DNAH11: variants seen among roughly 807,000 people sequenced by gnomAD.
DNAH11 encodes the protein dynein axonemal heavy chain 11.
Under a neutral mutation model 526.0 loss-of-function variants are expected in DNAH11, and 442 were observed. The ratio of observed to expected loss-of-function variants is 0.84; its 90% CI spans 0.78 to 0.91. The LOEUF (loss-of-function observed/expected upper bound fraction) is 0.91. Ranked by LOEUF, DNAH11 falls within the 40% of genes least tolerant of loss-of-function variation. DNAH11 has a pLI of 0.00. For synonymous variants in DNAH11, 2,461 were observed against 1,935.9 expected, an observed-to-expected ratio of 1.27 and a Z score of -7.12; for missense variants, 6,989 against 5,448.7, an observed-to-expected ratio of 1.28 and a Z score of -8.90.
At chr7:21,858,702 A>G (rs371185379) in intron 68 of DNAH11, among the ~76,000 whole-genome samples, 1 of 152,220 alleles carries the variant, frequency 6.6e-6, no homozygotes, top group East Asian at 1.9e-4. Context: ...TCAGTAATTG[A>G]CTGGGGCTGG....
chr7:21,820,564 T>C (rs933357171), intron 65 of DNAH11, among the ~76,000 whole-genome samples: 2 of 152,056 alleles, frequency 1.3e-5, no homozygotes, highest in Admixed American at 1.3e-4. Context: ...GAACTGCAAA[T>C]AGAATCCAAA....
chr7:21,750,353 C>G lies in DNAH11; in HGVS notation c.8929C>G (p.Leu2977Val). The change falls in exon 54 of 82, where the codon CTA becomes GTA. Residue 2977 changes from leucine (L) to valine (V), a missense_variant. Leu to Val is a conservative substitution (Grantham distance 32). Transcript: ENST00000409508. Reference sequence around the variant, plus strand: ...GAAATTCTTTATGGCCAGGGTGCGACTACAGCTCAAAGTAAGAAATACTTG... The same window carrying G: ...GAAATTCTTTATGGCCAGGGTGCGAGTACAGCTCAAAGTAAGAAATACTTG... ...CWKFFMARVR[L>V]QLKIILCFSP... is the part of the protein sequence containing the mutation. 2 of 1,603,332 alleles carry G rather than the reference C, an allele frequency of 1.2e-6. No individual in the cohort carries two copies. Among genetic ancestry groups the G allele is most frequent in the Non-Finnish European group, 1.7e-6 (2 of 1,174,772 alleles).
intron 20 of DNAH11, among the ~76,000 whole-genome samples, chr7:21,612,997 A>G (rs560504399): frequency 3.3e-4 from 51 of 152,350 alleles, no homozygotes; most frequent in Non-Finnish European, 5.9e-4. Context: ...TTTACCTAAT[A>G]AAAGAATGAA....
intron 6 of DNAH11, among the ~76,000 whole-genome samples, chr7:21,569,183 C>T (rs2128435812): frequency 6.6e-6 from 1 of 152,278 alleles, no homozygotes; most frequent in Middle Eastern, 3.4e-3. Context: ...AGAAGTGCTT[C>T]CCTCTGCTAT....
intron 26 of DNAH11, among the ~76,000 whole-genome samples, chr7:21,637,175 TC>T: frequency 6.6e-6 from 1 of 152,144 alleles, no homozygotes; most frequent in East Asian, 1.9e-4. Context: ...GCTCTCTCAT[TC>T]TCTGTCTCTC....
intron 8 of DNAH11, among the ~76,000 whole-genome samples, chr7:21,579,599 A>C (rs1017803363): frequency 1.3e-5 from 2 of 152,116 alleles, no homozygotes; most frequent in Non-Finnish European, 2.9e-5. Flanking sequence ...TGGATCTGAG[A>C]GTGTGAAATT....
chr7:21,785,070 C>G (rs1435421149), intron 58 of DNAH11, among the ~76,000 whole-genome samples: 1 of 152,178 alleles, frequency 6.6e-6, no homozygotes, highest in East Asian at 1.9e-4. Context: ...GTGTTCATCA[C>G]TAGCATATTG....
At chr7:21,582,178 G>T (rs1784334948) in intron 9 of DNAH11, among the ~76,000 whole-genome samples, 157 bp downstream of exon 9, 1 of 152,168 alleles carries the variant, frequency 6.6e-6, no homozygotes, top group South Asian at 2.1e-4. Flanking sequence ...TTTGAATAGT[G>T]TACTAATGAA....
chr7:21,813,668 C>T (rs1031277057), intron 63 of DNAH11, among the ~76,000 whole-genome samples: 1 of 152,176 alleles, frequency 6.6e-6, no homozygotes, highest in Non-Finnish European at 1.5e-5. Flanking sequence ...TCTTTTCTCT[C>T]TAGCAAATGC....
At chr7:21,581,654 G>A (rs1490905237) in intron 8 of DNAH11, among the ~76,000 whole-genome samples, 2 of 152,174 alleles carry the variant, frequency 1.3e-5, no homozygotes, top group African/African-American at 4.8e-5. Flanking sequence ...TGAGGCCTGG[G>A]CCACTGAAAA....
chr7:21,736,470 C>T (rs1481182813), intron 46 of DNAH11, among the ~76,000 whole-genome samples: 2 of 152,114 alleles, frequency 1.3e-5, no homozygotes, highest in African/African-American at 2.4e-5. Flanking sequence ...TGGGGGGCAA[C>T]CAGACTCTCT....
At chr7:21,803,758 T>C (rs547038827) in intron 62 of DNAH11, among the ~76,000 whole-genome samples, 2 of 150,198 alleles carry the variant, frequency 1.3e-5, no homozygotes, top group South Asian at 4.2e-4. Flanking sequence ...GCTGTCATCA[T>C]TGAAGTCTGG....
rs567299074 is a variant in DNAH11, at chr7:21,599,990, T to G, written c.2871T>G (p.Phe957Leu). The G allele has an allele frequency of 5.6e-6, 9 of 1,613,864 alleles. No individual in the cohort carries two copies. The Admixed American group carries it at 6.7e-5, about 12-fold the overall frequency. Residue 957 changes from phenylalanine (F) to leucine (L), a missense_variant, in exon 15 of 82, where the codon TTT becomes TTG. Coordinates refer to ENST00000409508, the MANE Select transcript of DNAH11 (RefSeq NM_001277115.2). ...QMILLPPEIV[F>L]KPSLDREAGD... is the part of the protein sequence containing the mutation. ...TCTTGTTGCCTCCTGAGATTGTGTT[T>G]AAACCTTCCCTAGACAGAGAGGCTG... is the stretch of plus-strand genomic sequence containing the variant.
intron 45 of DNAH11, among the ~76,000 whole-genome samples, chr7:21,727,757 A>C (rs1413498418): frequency 2.0e-5 from 3 of 152,200 alleles, no homozygotes. Flanking sequence ...AGCCCAGTGC[A>C]TTCATTTCCT....
rs1206558265 is a variant in DNAH11 at position 21,543,550 on chromosome 7, T to C, written c.305T>C (p.Leu102Pro). The C allele has an allele frequency of 2.5e-6, 4 of 1,608,316 alleles. No homozygotes were observed. In the African/African-American group the frequency reaches 4.0e-5, roughly 16 times the overall value. Residue 102 changes from leucine to proline, a missense_variant, in exon 1 of 82, where the codon CTT becomes CCT. By Grantham distance (98) the Leu-to-Pro change is moderately conservative. Transcript: ENST00000409508. ...CTGGAAAGCACCAGCCCGGCTTGCC[T>C]TGTGTTTAGCTTCGCCGCCTCGGGG... ...EFLESTSPAC[L>P]VFSFAASGRL... is the part of the protein sequence containing the mutation.
At chr7:21,675,362 A>C (rs1329621689) in intron 30 of DNAH11, among the ~76,000 whole-genome samples, 1 of 152,190 alleles carries the variant, frequency 6.6e-6, no homozygotes, top group Non-Finnish European at 1.5e-5. Context: ...CCTGTGGCAT[A>C]ACGACTGCCT....
chr7:21,859,350 G>T (rs1782970342), intron 68 of DNAH11, among the ~76,000 whole-genome samples: 1 of 152,142 alleles, frequency 6.6e-6, no homozygotes, highest in Non-Finnish European at 1.5e-5. Flanking sequence ...CTGAACTCAG[G>T]TGATCCACCT....
At chr7:21,776,227 G>C (rs1374422301) in intron 56 of DNAH11, among the ~76,000 whole-genome samples, 2 of 152,194 alleles carry the variant, frequency 1.3e-5, no homozygotes, top group Non-Finnish European at 2.9e-5. Context: ...AAAGACACAA[G>C]ACATCTTGAT....
intron 47 of DNAH11, 74 bp from the exon 48 acceptor site, chr7:21,739,497 T>C (rs1785776441): frequency 1.8e-6 from 2 of 1,136,772 alleles, no homozygotes; most frequent in African/African-American, 1.6e-5. Flanking sequence ...GATGAAGACC[T>C]TTATGAACTG....
Sources: allele counts gnomAD v4.1 joint callset (sites outside exome capture counted in the v4.1 genomes callset), GRCh38; gene constraint gnomAD v4.1.1; transcripts MANE v1.5; gene names NCBI Gene and HGNC (gene_info 2026-07-23, HGNC 2026-07-21).